Variants in MED27 observed in about 807,000 individuals in gnomAD.
MED27 encodes the protein mediator of RNA polymerase II transcription subunit 27.
Under a neutral mutation model 38.2 loss-of-function variants are expected in MED27, and 30 were observed. The observed-to-expected ratio is 0.79, with a 90% confidence interval of 0.59 to 1.07. MED27 has a LOEUF of 1.07. Among genes scored for constraint, MED27 ranks in the 50% least tolerant of loss-of-function variants. The probability of loss-of-function intolerance (pLI) is 0.00; values close to 1 mark genes in which losing one functional copy is unlikely to be tolerated. For missense variants in MED27, 289 were observed against 397.5 expected (o/e 0.73, Z 2.32); for synonymous variants, 122 against 153.5 (o/e 0.79, Z 1.52).
chr9:131,973,263 G>A (rs1407995688), intron 3 of MED27, among the ~76,000 whole-genome samples: 1 of 151,992 alleles, frequency 6.6e-6, no homozygotes, highest in African/African-American at 2.4e-5. Flanking sequence ...TTTCAGGGAA[G>A]GGCCTATCCC....
At chr9:131,957,611 T>C (rs1831131165) in intron 3 of MED27, among the ~76,000 whole-genome samples, 1 of 152,186 alleles carries the variant, frequency 6.6e-6, no homozygotes, top group Non-Finnish European at 1.5e-5. Context: ...CCCACATGTC[T>C]GTAAACAGGT....
intron 3 of MED27, among the ~76,000 whole-genome samples, chr9:131,979,380 A>G (rs960956573): frequency 6.6e-5 from 10 of 151,228 alleles, no homozygotes; most frequent in African/African-American, 2.4e-4. Context: ...ACGCTTATGT[A>G]TCTTCCTTTC....
At chr9:131,987,751 T>C (rs914093378) in intron 3 of MED27, among the ~76,000 whole-genome samples, 1 of 151,022 alleles carries the variant, frequency 6.6e-6, no homozygotes, top group African/African-American at 2.5e-5. Context: ...TGGGCAGTCA[T>C]GAAGAATTAT....
chr9:132,011,046 A>C (rs993437067), intron 3 of MED27, among the ~76,000 whole-genome samples: 6 of 152,200 alleles, frequency 3.9e-5, no homozygotes, highest in Non-Finnish European at 5.9e-5. Flanking sequence ...AAATTTTGTA[A>C]TAAGGAGTCT....
chr9:131,964,612 G>A (rs1229661950), intron 3 of MED27, among the ~76,000 whole-genome samples: 1 of 152,086 alleles, frequency 6.6e-6, no homozygotes, highest in East Asian at 1.9e-4. Flanking sequence ...GAGAAAGAAG[G>A]CGGCAAGGAG....
chr9:132,073,145 ATTGGTTCACCCAATGACCTCACC>A (rs1833977609), intron 2 of MED27, among the ~76,000 whole-genome samples: 1 of 152,042 alleles, frequency 6.6e-6, no homozygotes, highest in African/African-American at 2.4e-5. Context: ...AGAGCTTATC[ATTGGTTCACCCAATGACCTCACC>A]TTGGCCTTCC....
At chr9:132,018,390 G>C (rs1242004193) in intron 2 of MED27, among the ~76,000 whole-genome samples, 1 of 152,074 alleles carries the variant, frequency 6.6e-6, no homozygotes, top group Admixed American at 6.6e-5. Context: ...ATAAAAACAG[G>C]ATTCAAATGC....
intron 6 of MED27, among the ~76,000 whole-genome samples, chr9:131,877,103 G>C (rs1403579912): frequency 1.3e-5 from 2 of 152,194 alleles, no homozygotes; most frequent in Admixed American, 1.3e-4. Context: ...CTGAGTGTGG[G>C]GGTCTCACCT....
At chr9:131,916,060 C>T (rs182034076) in intron 4 of MED27, among the ~76,000 whole-genome samples, 6 of 152,220 alleles carry the variant, frequency 3.9e-5, no homozygotes, top group Non-Finnish European at 8.8e-5. Flanking sequence ...AGTGTAAATG[C>T]ATACTAATTT....
intron 2 of MED27, among the ~76,000 whole-genome samples, chr9:132,020,569 C>T (rs1832696020): frequency 6.6e-6 from 1 of 152,188 alleles, no homozygotes; most frequent in Admixed American, 6.5e-5. Flanking sequence ...AACTTTGTCA[C>T]CACTGTGAGT....
chr9:131,978,827 C>G (rs1348335720), intron 3 of MED27, among the ~76,000 whole-genome samples: 1 of 152,210 alleles, frequency 6.6e-6, no homozygotes, highest in East Asian at 1.9e-4. Flanking sequence ...GAGAAACCAT[C>G]GCAAGAGGGC....
chr9:131,972,408 A>G (rs1831499306), intron 3 of MED27, among the ~76,000 whole-genome samples: 1 of 152,202 alleles, frequency 6.6e-6, no homozygotes, highest in East Asian at 1.9e-4. Context: ...CATGCAGTTG[A>G]TGGACAAAGC....
intron 2 of MED27, among the ~76,000 whole-genome samples, chr9:132,047,458 A>ACACG (rs1833368313): frequency 6.6e-6 from 1 of 151,458 alleles, no homozygotes; most frequent in Non-Finnish European, 1.5e-5. Context: ...ACACACACAC[A>ACACG]CACACACACA....
At chr9:131,930,407 T>C (rs1830563244) in intron 4 of MED27, among the ~76,000 whole-genome samples, 1 of 152,136 alleles carries the variant, frequency 6.6e-6, no homozygotes, top group Non-Finnish European at 1.5e-5. Flanking sequence ...CTCCAGTCCA[T>C]CTGGCAGCAG....
intron 5 of MED27, among the ~76,000 whole-genome samples, chr9:131,885,294 G>C (rs947198360): frequency 6.6e-6 from 1 of 152,248 alleles, no homozygotes; most frequent in African/African-American, 2.4e-5. Context: ...AGGCTATCTG[G>C]CGAGGCATCT....
At chr9:132,068,436 G>A (rs987781462) in intron 2 of MED27, among the ~76,000 whole-genome samples, 4 of 152,130 alleles carry the variant, frequency 2.6e-5, no homozygotes, top group Non-Finnish European at 2.9e-5. Context: ...AAGATCCCTC[G>A]AGAGCTGCAG....
At chr9:131,999,053 T>C (rs1474251677) in intron 3 of MED27, among the ~76,000 whole-genome samples, 1 of 152,224 alleles carries the variant, frequency 6.6e-6, no homozygotes, top group Non-Finnish European at 1.5e-5. Context: ...GAGAGACTTC[T>C]AAGGAAACCT....
chr9:131,932,710 C>A (rs148893595), intron 4 of MED27, among the ~76,000 whole-genome samples: 3,034 of 152,210 alleles, frequency 0.02, 107 homozygotes, highest in African/African-American at 0.068. Flanking sequence ...TAATACCAAT[C>A]CTACTCAAAG....
intron 3 of MED27, among the ~76,000 whole-genome samples, chr9:131,968,729 C>A (rs544584020): frequency 1.1e-4 from 16 of 152,276 alleles, no homozygotes; most frequent in African/African-American, 3.9e-4. Flanking sequence ...AGTCTCCAAC[C>A]CCTGGGCCAC....
Sources: allele counts gnomAD v4.1 joint callset (sites outside exome capture counted in the v4.1 genomes callset), GRCh38; gene constraint gnomAD v4.1.1; transcripts MANE v1.5; gene names NCBI Gene and HGNC (gene_info 2026-07-23, HGNC 2026-07-21).